EHBP1: variants seen among roughly 807,000 people sequenced by gnomAD.
EHBP1 encodes EH domain-binding protein 1.
In EHBP1, 55 loss-of-function variants were observed where a neutral mutation model predicts 144.0. The ratio of observed to expected loss-of-function variants is 0.38; its 90% CI spans 0.31 to 0.48. The LOEUF is 0.48. EHBP1 is among the 20% of genes least tolerant of loss of function. EHBP1 has a pLI of 0.98. For synonymous variants in EHBP1, 469 were observed against 472.7 expected, an observed-to-expected ratio of 0.99 and a Z score of 0.10; for missense variants, 1,200 against 1,364.2, an observed-to-expected ratio of 0.88 and a Z score of 1.90.
intron 7 of EHBP1, among the ~76,000 whole-genome samples, chr2:62,853,859 A>C (rs2048849384): frequency 6.6e-6 from 1 of 152,180 alleles, no homozygotes; most frequent in African/African-American, 2.4e-5. Context: ...GAGCATGCTA[A>C]AAAGGAATGA....
chr2:62,831,984 A>G (rs1375616879), intron 7 of EHBP1, among the ~76,000 whole-genome samples: 2 of 152,238 alleles, frequency 1.3e-5, no homozygotes, highest in Non-Finnish European at 2.9e-5. Context: ...CTAAAAAGTT[A>G]TGTGACTTCC....
intron 6 of EHBP1, among the ~76,000 whole-genome samples, chr2:62,826,934 G>C (rs1430607225): frequency 6.6e-6 from 1 of 152,242 alleles, no homozygotes; most frequent in Non-Finnish European, 1.5e-5. Flanking sequence ...TCAGGGGTAA[G>C]TGAATGTTAC....
At position 62,875,991 on chromosome 2, in the gene EHBP1, A is replaced by G. The variant is rs2050862238; in HGVS notation, c.1185+1459A>G. Among the ~76,000 whole-genome samples the G allele has an allele frequency of 2.0e-5, 3 of 152,194 alleles. No homozygotes were observed. In the South Asian group the frequency reaches 6.2e-4, roughly 32 times the overall value. On this transcript the variant is annotated intron_variant, in intron 10 of 22. Coordinates refer to ENST00000431489, the MANE Select transcript of EHBP1 (RefSeq NM_001142616.3). ...AAGACATATGAGATTATATAAAGAA[A>G]CCAAACCTACTACTCATTGGCATCC...
At chr2:62,988,017 GA>G in intron 15 of EHBP1, 1 of 1,605,304 alleles carries the variant, frequency 6.2e-7, no homozygotes, top group Non-Finnish European at 8.5e-7. Context: ...TACTAACTTA[GA>G]AAATGACCTT....
intron 9 of EHBP1, 71 bp downstream of exon 9, chr2:62,865,042 T>C: frequency 2.7e-6 from 4 of 1,493,704 alleles, no homozygotes; most frequent in Non-Finnish European, 2.7e-6. Context: ...TTTTGTAATG[T>C]ACCTTTAGAT....
At chr2:62,925,491 A>G (rs1237860189) in intron 10 of EHBP1, among the ~76,000 whole-genome samples, 1 of 152,176 alleles carries the variant, frequency 6.6e-6, no homozygotes, top group African/African-American at 2.4e-5. Flanking sequence ...CTCAGGAAAT[A>G]AAATGTTATT....
chr2:63,043,409 T>C (rs1452647055), intron 21 of EHBP1, among the ~76,000 whole-genome samples: 1 of 150,202 alleles, frequency 6.7e-6, no homozygotes, highest in Non-Finnish European at 1.5e-5. Context: ...AGTGATCAGT[T>C]ATTTAAAGTA....
rs570715468 is a variant in EHBP1, at chr2:62,773,850, C to CAAAAAAAAAAAAAA, written c.312+2480_312+2493dup. On this transcript the variant is annotated intron_variant, in intron 5 of 22. Coordinates refer to ENST00000431489, the MANE Select transcript of EHBP1 (RefSeq NM_001142616.3). ...TAGGTGATACAGCAAGACTCCATCTCAAAAAAAAAAAAAAAAAAAAAAAAA... is the reference window on the plus strand; with the variant it reads ...TAGGTGATACAGCAAGACTCCATCTCAAAAAAAAAAAAAAAAAAAAAAAAAAAAAAAAAAAAAAA... Among the ~76,000 whole-genome samples the CAAAAAAAAAAAAAA allele has an allele frequency of 1.7e-4, 7 of 41,540 alleles. 1 individual carries two copies. Among genetic ancestry groups the CAAAAAAAAAAAAAA allele is most frequent in the Non-Finnish European group, 2.1e-4 (5 of 24,262 alleles). The allele number at this position is 41,540 out of a possible 152,430, so 27.3% of individuals were successfully genotyped here.
chr2:62,944,208 C>T (rs997235274), intron 12 of EHBP1, among the ~76,000 whole-genome samples: 46 of 152,076 alleles, frequency 3.0e-4, no homozygotes, highest in African/African-American at 9.9e-4. Flanking sequence ...GGGATGAGAA[C>T]GAGAGCCTAA....
At chr2:62,720,825 A>G (rs985875613) in intron 2 of EHBP1, among the ~76,000 whole-genome samples, 2 of 152,154 alleles carry the variant, frequency 1.3e-5, no homozygotes, top group Non-Finnish European at 2.9e-5. Flanking sequence ...ACAGTTGATG[A>G]GCTTTAAAAA....
At chr2:62,690,061 A>T (rs1412767186) in intron 1 of EHBP1, among the ~76,000 whole-genome samples, 2 of 152,210 alleles carry the variant, frequency 1.3e-5, no homozygotes, top group Admixed American at 6.5e-5. Context: ...TAATAGTTGA[A>T]GTTTCAGGCA....
At chr2:62,796,506 C>G (rs2043546611) in intron 5 of EHBP1, among the ~76,000 whole-genome samples, 2 of 152,184 alleles carry the variant, frequency 1.3e-5, no homozygotes, top group Admixed American at 6.5e-5. Context: ...TACATGGATA[C>G]TTTTTAAGAA....
At chr2:62,750,657 GC>G (rs1350834090) in intron 3 of EHBP1, among the ~76,000 whole-genome samples, 2 of 151,868 alleles carry the variant, frequency 1.3e-5, no homozygotes, top group African/African-American at 4.8e-5. Context: ...CTTTTATTTC[GC>G]TGAGCAGTGG....
At chr2:63,000,621 T>C (rs1323142139) in intron 19 of EHBP1, among the ~76,000 whole-genome samples, 1 of 152,076 alleles carries the variant, frequency 6.6e-6, no homozygotes, top group Non-Finnish European at 1.5e-5. Flanking sequence ...CTCTTGAACC[T>C]GGGTAGCGGA....
intron 3 of EHBP1, among the ~76,000 whole-genome samples, chr2:62,762,577 T>C (rs191127261): frequency 1.3e-5 from 2 of 152,334 alleles, no homozygotes; most frequent in East Asian, 1.9e-4. Context: ...AATTCCTTTC[T>C]TCTATAAGGT....
chr2:62,720,862 C>G (rs2036158884), intron 2 of EHBP1, among the ~76,000 whole-genome samples: 1 of 152,048 alleles, frequency 6.6e-6, no homozygotes, highest in Non-Finnish European at 1.5e-5. Flanking sequence ...TCTCATAATG[C>G]TTTAAGAAAG....
chr2:62,994,085 A>G (rs1420220300), intron 18 of EHBP1, 108 bp downstream of exon 18: 2 of 681,196 alleles, frequency 2.9e-6, no homozygotes, highest in Admixed American at 2.6e-5. Context: ...TAAGATGTCA[A>G]TCTCCAGTGC....
At chr2:62,676,709 C>CA in intron 1 of EHBP1, among the ~76,000 whole-genome samples, 1 of 147,330 alleles carries the variant, frequency 6.8e-6, no homozygotes, top group South Asian at 2.2e-4. Context: ...AACCATATTC[C>CA]TTTTTTTTTT....
intron 13 of EHBP1, among the ~76,000 whole-genome samples, chr2:62,952,761 A>G (rs1055184565): frequency 1.3e-5 from 2 of 152,244 alleles, no homozygotes; most frequent in South Asian, 2.1e-4. Flanking sequence ...CTTGATGCTT[A>G]TAACATCTTT....
Sources: gnomAD v4.1 joint callset for allele counts (sites outside exome capture counted in the v4.1 genomes callset) on GRCh38, gnomAD v4.1.1 for gene constraint, MANE v1.5 for transcripts, NCBI Gene and HGNC (gene_info 2026-07-23, HGNC 2026-07-21) for gene names.